GABRA3: variants seen among roughly 807,000 people sequenced by gnomAD.
GABRA3 encodes the protein gamma-aminobutyric acid receptor subunit alpha-3.
GABRA3 carries 10 observed loss-of-function variants against 30.1 expected under a neutral mutation model. The ratio of observed to expected loss-of-function variants is 0.33; its 90% CI spans 0.20 to 0.56. GABRA3 has a LOEUF of 0.56. GABRA3 is among the 20% of genes least tolerant of loss of function. The pLI, the probability that GABRA3 is intolerant of heterozygous loss-of-function variation, is 0.89. For missense variants in GABRA3, 233 were observed against 392.0 expected (o/e 0.59, Z 3.42); for synonymous variants, 151 against 146.8 (o/e 1.03, Z -0.21).
At chrX:152,332,410 C>T (rs1940177288) in intron 3 of GABRA3, among the ~76,000 whole-genome samples, 1 of 111,847 alleles carries the variant, frequency 8.9e-6, no homozygotes, top group African/African-American at 3.2e-5. Flanking sequence ...CCCTTTCTGT[C>T]CACCTTGTGT....
intron 3 of GABRA3, among the ~76,000 whole-genome samples, chrX:152,319,877 A>G (rs1302720345): frequency 9.0e-6 from 1 of 111,287 alleles, no homozygotes; most frequent in Admixed American, 9.6e-5. Flanking sequence ...AAAAATAGCA[A>G]GAAAAAAACA....
intron 1 of GABRA3, among the ~76,000 whole-genome samples, chrX:152,421,800 A>C (rs1930379476): frequency 8.9e-6 from 1 of 112,020 alleles, no homozygotes; most frequent in Non-Finnish European, 1.9e-5. Flanking sequence ...AATTATGATC[A>C]ATCTCAAAAG....
chrX:152,217,533 T>C (rs970992330), intron 6 of GABRA3, among the ~76,000 whole-genome samples: 2 of 111,690 alleles, frequency 1.8e-5, no homozygotes, highest in African/African-American at 6.5e-5. Context: ...GAAAACCTGG[T>C]ATTGATTGGT....
At chrX:152,411,282 T>A (rs1331921408) in intron 1 of GABRA3, among the ~76,000 whole-genome samples, 1 of 110,870 alleles carries the variant, frequency 9.0e-6, no homozygotes. Context: ...GCCACTGAAC[T>A]CAAGCCTGGG....
chrX:152,356,592 TC>T (rs201378596), intron 2 of GABRA3, among the ~76,000 whole-genome samples: 37 of 111,904 alleles, frequency 3.3e-4, no homozygotes, highest in African/African-American at 1.2e-3. Context: ...ATAATTTTTT[TC>T]TTTACAGCTT....
chrX:152,420,278 T>C (rs1372666293), intron 1 of GABRA3, among the ~76,000 whole-genome samples: 1 of 110,485 alleles, frequency 9.1e-6, no homozygotes, highest in Non-Finnish European at 1.9e-5. Context: ...GGCAATACAA[T>C]AAGGCAGGAA....
At chrX:152,215,106 T>C (rs1937696247) in intron 6 of GABRA3, among the ~76,000 whole-genome samples, 1 of 108,392 alleles carries the variant, frequency 9.2e-6, no homozygotes, top group Non-Finnish European at 1.9e-5. Context: ...GACTTCCTCC[T>C]TTCCAATTTG....
At chrX:152,356,859 C>T (rs1287247299) in intron 2 of GABRA3, among the ~76,000 whole-genome samples, 3 of 111,765 alleles carry the variant, frequency 2.7e-5, no homozygotes, top group Non-Finnish European at 5.7e-5. Context: ...TTTATTGTTC[C>T]TGTGTTAGTT....
At chrX:152,234,853 A>T (rs1011065632) in intron 5 of GABRA3, among the ~76,000 whole-genome samples, 1 of 111,968 alleles carries the variant, frequency 8.9e-6, no homozygotes, top group African/African-American at 3.2e-5. Context: ...TACCAATACC[A>T]TGCTGTTTGG....
At chrX:152,172,330 A>T (rs1222991900) in intron 9 of GABRA3, among the ~76,000 whole-genome samples, 2 of 111,579 alleles carry the variant, frequency 1.8e-5, no homozygotes, top group Non-Finnish European at 3.8e-5. Context: ...AGAAATTGAA[A>T]CCCTTGTGCA....
chrX:152,221,838 A>ACCTAATCTTAATTAG (rs1478396232), intron 6 of GABRA3, among the ~76,000 whole-genome samples: 1 of 111,809 alleles, frequency 8.9e-6, no homozygotes, highest in East Asian at 2.8e-4. Flanking sequence ...TATTAAGATT[A>ACCTAATCTTAATTAG]GTACCCATTA....
intron 1 of GABRA3, among the ~76,000 whole-genome samples, chrX:152,390,366 T>C (rs1929444533): frequency 8.9e-6 from 1 of 112,433 alleles, no homozygotes; most frequent in South Asian, 3.6e-4. Flanking sequence ...TTCAATAACA[T>C]GAATGATGGC....
In GABRA3 at chrX:152,192,659, G is replaced by C. The variant is rs981005706; in HGVS notation, c.932-2718C>G. Among the ~76,000 whole-genome samples the C allele has an allele frequency of 1.4e-4, 16 of 111,352 alleles. 1 individual carries two copies. The Admixed American group carries it at 1.5e-3, about 11-fold the overall frequency. ...TTTCAGACCACAGCATTCAAAATGAGCACCCATTCTCCCTCCCCTTAGGAG... is the reference window on the plus strand; with the variant it reads ...TTTCAGACCACAGCATTCAAAATGACCACCCATTCTCCCTCCCCTTAGGAG... On this transcript the variant is annotated intron_variant, in intron 8 of 9. Transcript: ENST00000370314.
intron 5 of GABRA3, among the ~76,000 whole-genome samples, chrX:152,238,524 G>T (rs1345820648): frequency 1.6e-4 from 17 of 107,894 alleles, no homozygotes; most frequent in African/African-American, 4.7e-4. Flanking sequence ...AGTTAGGGAG[G>T]ATTCACTCTT....
At chrX:152,263,574 A>G (rs1302471971) in intron 4 of GABRA3, among the ~76,000 whole-genome samples, 1 of 111,082 alleles carries the variant, frequency 9.0e-6, no homozygotes, top group East Asian at 2.9e-4. Context: ...GCATGCTTTC[A>G]AGAACAAGAA....
At chrX:152,340,900 T>TA (rs1569401838) in intron 3 of GABRA3, among the ~76,000 whole-genome samples, 1 of 110,986 alleles carries the variant, frequency 9.0e-6, no homozygotes, top group African/African-American at 3.3e-5. Context: ...CAATACCCTT[T>TA]GGGTACAAGT....
intron 9 of GABRA3, among the ~76,000 whole-genome samples, chrX:152,182,261 A>G (rs1300182040): frequency 9.8e-6 from 1 of 102,415 alleles, no homozygotes; most frequent in Admixed American, 1.1e-4. Flanking sequence ...ATTTTTTTTA[A>G]GTTTATGATT....
At chrX:152,278,595 T>C (rs1366730699) in intron 4 of GABRA3, among the ~76,000 whole-genome samples, 1 of 111,625 alleles carries the variant, frequency 9.0e-6, no homozygotes. Flanking sequence ...TTTATAGCAG[T>C]ATGATGTATA....
At chrX:152,183,490 GAA>G (rs139320784) in intron 9 of GABRA3, among the ~76,000 whole-genome samples, 1 of 103,137 alleles carries the variant, frequency 9.7e-6, no homozygotes, top group African/African-American at 3.5e-5. Context: ...TTTATCTTTT[GAA>G]AAAAAAACAC....
Sources: gnomAD v4.1 joint callset for allele counts (sites outside exome capture counted in the v4.1 genomes callset) on GRCh38, gnomAD v4.1.1 for gene constraint, MANE v1.5 for transcripts, NCBI Gene and HGNC (gene_info 2026-07-23, HGNC 2026-07-21) for gene names.